TRRAP: variants seen among roughly 807,000 people sequenced by gnomAD.
The protein encoded by TRRAP is transformation/transcription domain associated protein, also known as transformation/transcription domain-associated protein.
A neutral mutation model predicts 438.8 loss-of-function variants in TRRAP; 41 were observed. That is an observed-to-expected ratio of 0.09 (90% CI 0.07 to 0.12). TRRAP has a LOEUF of 0.12. Among genes scored for constraint, TRRAP ranks in the 10% least tolerant of loss-of-function variants. The pLI is 1.00. For missense variants in TRRAP, 3,122 were observed against 5,055.1 expected, an observed-to-expected ratio of 0.62 and a Z score of 11.60; for synonymous variants, 1,994 against 1,962.9, an observed-to-expected ratio of 1.02 and a Z score of -0.42.
At position 98,937,276 on chromosome 7, in the gene TRRAP, A is replaced by G; in HGVS notation, c.4232A>G (p.Lys1411Arg). 1 of 1,606,774 alleles carries G rather than the reference A, an allele frequency of 6.2e-7. No homozygotes were observed. Among genetic ancestry groups the G allele is most frequent in the Non-Finnish European group, 8.5e-7 (1 of 1,174,566 alleles). ...LQEAGEACMR[K>R]FLEGATIEVD... The stretch of plus-strand genomic sequence containing the variant: ...GAGGCCGGAGAAGCCTGTATGAGAA[A>G]GGTGAGTGTGTGTGCGTGCGTGTAT... The change falls in exon 29 of 73, where the codon AAG becomes AGG. Residue 1411 changes from lysine (K) to arginine (R), a missense_variant and splice_region_variant. Lys to Arg is a conservative substitution (Grantham distance 26). Transcript: ENST00000456197.
chr7:98,882,805 G>A (rs1318179897), intron 3 of TRRAP, among the ~76,000 whole-genome samples: 1 of 150,410 alleles, frequency 6.6e-6, no homozygotes, highest in East Asian at 2.0e-4. Context: ...GGGATTACAG[G>A]TGTGCACCAC....
intron 17 of TRRAP, among the ~76,000 whole-genome samples, chr7:98,911,486 A>C (rs1166344113): frequency 6.6e-6 from 1 of 152,204 alleles, no homozygotes; most frequent in Admixed American, 6.5e-5. Context: ...AGAAATAAAT[A>C]TGTGGGCCAG....
At chr7:98,999,328 A>G in intron 67 of TRRAP, 9 of 1,390,474 alleles carry the variant, frequency 6.5e-6, no homozygotes, top group African/African-American at 1.4e-5. Flanking sequence ...TCAAAGTCCA[A>G]GATTTCCTGG....
intron 40 of TRRAP, among the ~76,000 whole-genome samples, chr7:98,954,196 C>T (rs558840235): frequency 3.9e-5 from 6 of 152,300 alleles, no homozygotes; most frequent in South Asian, 4.1e-4. Flanking sequence ...TGGTATTGAG[C>T]GCTTCTTCCT....
intron 19 of TRRAP, among the ~76,000 whole-genome samples, chr7:98,916,305 G>C (rs1789516945): frequency 6.6e-6 from 1 of 152,206 alleles, no homozygotes; most frequent in Non-Finnish European, 1.5e-5. Context: ...CTTACAGTTA[G>C]TTTATATTTT....
At chr7:98,923,962 A>G (rs1445285679) in intron 21 of TRRAP, among the ~76,000 whole-genome samples, 1 of 152,254 alleles carries the variant, frequency 6.6e-6, no homozygotes, top group East Asian at 1.9e-4. Flanking sequence ...AAATGTGTGC[A>G]TGTAGCTATG....
chr7:98,891,206 T>A (rs868987144), intron 4 of TRRAP, among the ~76,000 whole-genome samples: 4,873 of 115,490 alleles, frequency 0.042, 126 homozygotes, highest in African/African-American at 0.099. Flanking sequence ...TATATATATT[T>A]TTTTTTTTTT....
intron 21 of TRRAP, 123 bp from the exon 22 acceptor site, chr7:98,924,989 A>G: frequency 7.5e-7 from 1 of 1,327,792 alleles, no homozygotes; most frequent in Non-Finnish European, 1.0e-6. Flanking sequence ...CAGGCGACAG[A>G]GCGAGACTCC....
At chr7:98,978,980 T>A (rs1392059979) in intron 58 of TRRAP, 76 bp downstream of exon 58, 24 of 1,582,740 alleles carry the variant, frequency 1.5e-5, no homozygotes, top group Non-Finnish European at 2.0e-5. Context: ...TTGGGAGATT[T>A]CCCTTAGAAC....
intron 45 of TRRAP, among the ~76,000 whole-genome samples, chr7:98,960,615 A>G (rs1791843645): frequency 6.6e-6 from 1 of 151,854 alleles, no homozygotes; most frequent in East Asian, 1.9e-4. Context: ...TTTTTTTGAG[A>G]CAGTCTCACT....
chr7:98,929,637 C>T (rs1790229990), intron 23 of TRRAP, among the ~76,000 whole-genome samples: 1 of 151,138 alleles, frequency 6.6e-6, no homozygotes, highest in East Asian at 1.9e-4. Context: ...GAGTCTCACT[C>T]TGGCGGCCAG....
Position 99,012,496 on chromosome 7 carries a change from T to G in TRRAP, c.*141T>G. On this transcript the variant is annotated 3_prime_UTR_variant, in exon 73 of 73. Transcript: ENST00000456197. The surrounding 1 kb of genome is among the most constrained non-coding windows in gnomAD (Gnocchi z 5.9). ...GGGTTGCGGTTATTTTCCTGGTAGT[T>G]TGCGTGTAAGAAAGGGAGAATATAG... 1 of 1,054,256 alleles carries G rather than the reference T, an allele frequency of 9.5e-7. No homozygotes were observed. Among genetic ancestry groups the G allele is most frequent in the Non-Finnish European group, 1.3e-6 (1 of 750,250 alleles). 65.3% of individuals were successfully genotyped at this position (1,054,256 alleles called of 1,614,324 possible).
rs1242519856 is a variant in TRRAP at position 98,959,449 on chromosome 7, G to A, written c.6448G>A (p.Glu2150Lys). 6.2e-7 allele frequency: 1 copy of A among 1,614,038 alleles called. No individual in the cohort carries two copies. ...GCGGCCAGACATGTGGCCCAAGTCCGAACTCAAGCTGCAGTGGTTCGACAA... is the reference window on the plus strand; with the variant it reads ...GCGGCCAGACATGTGGCCCAAGTCCAAACTCAAGCTGCAGTGGTTCGACAA... ...ALRPDMWPKS[E>K]LKLQWFDKLL... The change falls in exon 45 of 73, where the codon GAA becomes AAA. Residue 2150 changes from glutamate to lysine, a missense_variant. By Grantham distance (56) the Glu-to-Lys change is moderately conservative. Around this residue, in one of 24 missense-constraint regions of TRRAP, gnomAD observed 992 missense variants for 1,281.2 expected, o/e 0.77. Transcript: ENST00000456197.
rs1792762192 is a variant in TRRAP, at chr7:98,978,297, C to T, written c.8472C>T (p.Tyr2824=). 1.1e-5 allele frequency: 18 copies of T among 1,613,950 alleles called. No homozygotes were observed. Among genetic ancestry groups the T allele is most frequent in the Non-Finnish European group, 1.5e-5 (18 of 1,179,956 alleles). Residue 2824 remains tyrosine (Y), a synonymous_variant, in exon 57 of 73, where the codon TAC becomes TAT. Transcript: ENST00000456197. ...SNASPAIFPE[Y]QLWEDHWIRC... ...CCTCCCCTGCTATTTTCCCTGAATACCAGCTCTGGGAAGACCACTGGATTC... is the reference window on the plus strand; with the variant it reads ...CCTCCCCTGCTATTTTCCCTGAATATCAGCTCTGGGAAGACCACTGGATTC...
intron 33 of TRRAP, among the ~76,000 whole-genome samples, chr7:98,946,586 C>CATATGCACACAACAT (rs1791080055): frequency 6.6e-6 from 1 of 151,292 alleles, no homozygotes; most frequent in South Asian, 2.1e-4. Flanking sequence ...GCACACACCA[C>CATATGCACACAACAT]ATATGCACAC....
rs41635 is a variant in TRRAP at position 98,962,590 on chromosome 7, T to C, written c.6829+163T>C. On this transcript the variant is annotated intron_variant, in intron 47 of 72. Transcript: ENST00000456197. ...GCCTGGGGCCCTCAAGGCCGCCGTC[T>C]CCTGTAGACTGCATCCCCCTTCGCC... 0.099 allele frequency among the ~76,000 whole-genome samples: 15,002 copies of C among 152,278 alleles called. 834 individuals carry two copies. The highest frequency in any genetic ancestry group is 0.27 in the East Asian group (1,421 of 5,172).
Position 98,953,307 on chromosome 7 carries a change from C to T in TRRAP, c.5604C>T (p.Leu1868=), listed in dbSNP as rs550098214. 7 of 1,614,084 alleles carry T rather than the reference C, an allele frequency of 4.3e-6. No homozygotes were observed. In the African/African-American group the frequency reaches 9.3e-5, roughly 22 times the overall value. The part of the protein sequence containing the change: ...NKNRNSKLRR[L]MTFAWPCLLS... ...ACCGCAACAGCAAGCTGCGCCGCCTCATGACCTTCGCCTGGCCCTGCCTGC... is the reference window on the plus strand; with the variant it reads ...ACCGCAACAGCAAGCTGCGCCGCCTTATGACCTTCGCCTGGCCCTGCCTGC... The change falls in exon 40 of 73, where the codon CTC becomes CTT. Residue 1868 remains leucine, a synonymous_variant. Transcript: ENST00000456197.
In TRRAP at chr7:98,956,926, G is replaced by T. The variant is rs1791645779; in HGVS notation, c.6231+393G>T. Among the ~76,000 whole-genome samples, 1 of 151,888 alleles carries T rather than the reference G, an allele frequency of 6.6e-6. No homozygotes were observed. Among genetic ancestry groups the T allele is most frequent in the African/African-American group, 2.4e-5 (1 of 41,340 alleles). On this transcript the variant is annotated intron_variant, in intron 43 of 72. Coordinates refer to ENST00000456197, the MANE Select transcript of TRRAP (RefSeq NM_001375524.1). This position sits in a 1 kb window ranked among gnomAD's most constrained non-coding sequence, Gnocchi z 4.5. Reference sequence around the variant, plus strand: ...TCCTGGGTATTGCCCCTTGTGGAGTGGTGGCCCTAGGAGCCCTGAGTCTGA... The same window carrying T: ...TCCTGGGTATTGCCCCTTGTGGAGTTGTGGCCCTAGGAGCCCTGAGTCTGA...
chr7:98,883,011 G>T (rs1795529584), intron 3 of TRRAP, among the ~76,000 whole-genome samples: 1 of 152,210 alleles, frequency 6.6e-6, no homozygotes, highest in South Asian at 2.1e-4. Flanking sequence ...TAATTTGATG[G>T]TGTATTCTTA....
Sources: allele counts gnomAD v4.1 joint callset (sites outside exome capture counted in the v4.1 genomes callset), GRCh38; gene constraint gnomAD v4.1.1; regional missense constraint gnomAD v4.1.1; non-coding constraint Gnocchi (gnomAD v3.1); transcripts MANE v1.5; gene names NCBI Gene and HGNC (gene_info 2026-07-23, HGNC 2026-07-21).